Variants in TLK1 observed in about 807,000 individuals in gnomAD.
TLK1 encodes serine/threonine-protein kinase tousled-like 1.
Under a neutral mutation model 105.3 loss-of-function variants are expected in TLK1, and 24 were observed. The observed-to-expected ratio is 0.23, with a 90% CI of 0.17 to 0.32. The LOEUF is 0.32. Among genes scored for constraint, TLK1 ranks in the 10% least tolerant of loss-of-function variants. The pLI, the probability that TLK1 is intolerant of heterozygous loss-of-function variation, is 1.00. For synonymous variants in TLK1, 321 were observed against 310.4 expected (o/e 1.03, Z -0.36); for missense variants, 558 against 910.5 (o/e 0.61, Z 4.98).
intron 2 of TLK1, among the ~76,000 whole-genome samples, chr2:171,116,700 A>AC (rs1232316004): frequency 5.1e-4 from 77 of 149,770 alleles, no homozygotes; most frequent in African/African-American, 1.8e-3. Context: ...ACTCCCTCAA[A>AC]AAAAAAAAAA....
At chr2:171,163,918 G>A (rs1411380051), upstream of TLK1, among the ~76,000 whole-genome samples, 8 of 152,082 alleles carry the variant, frequency 5.3e-5, no homozygotes, top group Non-Finnish European at 1.2e-4. Flanking sequence ...TAGAGATGGG[G>A]TTTCACCATG....
At chr2:170,996,453 A>G (rs1029027692) in intron 20 of TLK1, among the ~76,000 whole-genome samples, 200 bp downstream of exon 20, 16 of 152,232 alleles carry the variant, frequency 1.1e-4, no homozygotes, top group Non-Finnish European at 1.0e-4. Context: ...ATCAGAGACC[A>G]TAGCTTAAAA....
At chr2:171,125,037 T>C (rs1209097166) in intron 1 of TLK1, among the ~76,000 whole-genome samples, 1 of 152,206 alleles carries the variant, frequency 6.6e-6, no homozygotes, top group Admixed American at 6.5e-5. Flanking sequence ...AAAAAGCTAA[T>C]AGCCTAAAAC....
intron 3 of TLK1, among the ~76,000 whole-genome samples, chr2:171,074,570 G>A (rs1017263425): frequency 4.0e-5 from 6 of 151,032 alleles, no homozygotes; most frequent in African/African-American, 1.5e-4. Flanking sequence ...GTGGTTGCAG[G>A]GAGCAGAGAT....
chr2:171,066,501 A>G (rs904500162), intron 3 of TLK1, among the ~76,000 whole-genome samples: 2 of 152,220 alleles, frequency 1.3e-5, no homozygotes, highest in Non-Finnish European at 2.9e-5. Context: ...GACTCTATTT[A>G]CACATGCACA....
chr2:171,166,277 G>T (rs1169800101), intron 1 of TLK1, among the ~76,000 whole-genome samples: 1 of 152,240 alleles, frequency 6.6e-6, no homozygotes, highest in Non-Finnish European at 1.5e-5. Flanking sequence ...TCTCTGTAAT[G>T]GTTACAGTTG....
intron 1 of TLK1, among the ~76,000 whole-genome samples, chr2:171,125,080 C>T (rs567037321): frequency 7.9e-5 from 12 of 152,276 alleles, no homozygotes; most frequent in African/African-American, 2.9e-4. Flanking sequence ...ATTTTTTTGA[C>T]TGCTTCAATA....
chr2:171,087,531 A>G (rs1689037302), intron 2 of TLK1, among the ~76,000 whole-genome samples: 2 of 152,288 alleles, frequency 1.3e-5, no homozygotes, highest in African/African-American at 2.4e-5. Flanking sequence ...AAATGAGAAA[A>G]ATATGCAGAA....
chr2:171,216,301 C>T (rs369069855), intron 1 of TLK1, among the ~76,000 whole-genome samples: 2 of 152,024 alleles, frequency 1.3e-5, no homozygotes, highest in African/African-American at 4.8e-5. Context: ...ACGGTGAAAC[C>T]CTGTCTCTAC....
In TLK1 at chr2:170,992,749, A is replaced by C. The variant is rs1683837352; in HGVS notation, c.*1031T>G. The C allele has an allele frequency of 6.6e-6, 1 of 152,470 alleles. No individual in the cohort carries two copies. The highest frequency in any genetic ancestry group is 1.5e-5 in the Non-Finnish European group (1 of 68,010). The allele number at this position is 152,470 out of a possible 1,614,324, so 9.4% of individuals were successfully genotyped here. On this transcript the variant is annotated 3_prime_UTR_variant, in exon 21 of 21. Transcript: ENST00000431350. The stretch of plus-strand genomic sequence containing the variant: ...TAGGTCATTTAATTTTTTAGCAAAG[A>C]AGCAACATCATTTAGCAGCAATTAG...
chr2:171,022,163 T>C (rs1685556941), intron 12 of TLK1, among the ~76,000 whole-genome samples: 1 of 150,986 alleles, frequency 6.6e-6, no homozygotes, highest in African/African-American at 2.4e-5. Context: ...TACATTTTCA[T>C]TTTGGTAGCT....
chr2:171,010,161 G>T (rs186585756), intron 14 of TLK1, among the ~76,000 whole-genome samples: 2 of 152,296 alleles, frequency 1.3e-5, no homozygotes, highest in Admixed American at 1.3e-4. Flanking sequence ...GAAGGGTCAT[G>T]GCTGAATTTA....
chr2:171,152,567 A>AT (rs1209805745), intron 1 of TLK1, among the ~76,000 whole-genome samples: 1 of 152,120 alleles, frequency 6.6e-6, no homozygotes, highest in Admixed American at 6.5e-5. Flanking sequence ...AAAACTAAGT[A>AT]TTTTTTTAAA....
At chr2:171,155,664 A>G (rs1238780278) in intron 1 of TLK1, 1 of 152,036 alleles carries the variant, frequency 6.6e-6, no homozygotes, top group Non-Finnish European at 1.5e-5. Flanking sequence ...ATTTATCTCC[A>G]CCTCCCCAAA....
At chr2:171,037,758 T>C (rs1016593573) in intron 11 of TLK1, among the ~76,000 whole-genome samples, 1 of 152,202 alleles carries the variant, frequency 6.6e-6, no homozygotes, top group Non-Finnish European at 1.5e-5. Context: ...GTTGTGTTTG[T>C]GTTACTATTT....
intron 1 of TLK1, among the ~76,000 whole-genome samples, chr2:171,127,855 T>C (rs1690934628): frequency 1.3e-5 from 2 of 152,158 alleles, no homozygotes; most frequent in Non-Finnish European, 2.9e-5. Context: ...AGTCATATTA[T>C]CTATCCATCT....
intron 3 of TLK1, among the ~76,000 whole-genome samples, chr2:171,062,461 A>G (rs917896584): frequency 6.6e-6 from 1 of 152,208 alleles, no homozygotes; most frequent in East Asian, 1.9e-4. Flanking sequence ...TTGAGTATTT[A>G]AAGTTCTCCC....
At chr2:171,107,223 A>G (rs1219675645) in intron 2 of TLK1, among the ~76,000 whole-genome samples, 2 of 152,192 alleles carry the variant, frequency 1.3e-5, no homozygotes, top group Non-Finnish European at 2.9e-5. Context: ...GGCACATACA[A>G]TGTCAGATTC....
chr2:171,013,318 C>CTTTTTTTTTTTTTT (rs774923512), intron 13 of TLK1, among the ~76,000 whole-genome samples: 1 of 74,138 alleles, frequency 1.3e-5, no homozygotes, highest in African/African-American at 5.5e-5. Context: ...TGGCCCCTCA[C>CTTTTTTTTTTTTTT]TTTTTTTTTT....
Sources: allele counts gnomAD v4.1 joint callset (sites outside exome capture counted in the v4.1 genomes callset), GRCh38; gene constraint gnomAD v4.1.1; transcripts MANE v1.5; gene names NCBI Gene and HGNC (gene_info 2026-07-23, HGNC 2026-07-21).